The following ZMAT4 variants were observed in gnomAD, a reference collection of about 807,000 sequenced individuals.
ZMAT4 encodes zinc finger matrin-type 4.
In ZMAT4, 17 loss-of-function variants were observed where a neutral mutation model predicts 28.7. The observed-to-expected ratio is 0.59, with a 90% CI of 0.41 to 0.89. The LOEUF is 0.89. ZMAT4 is among the 40% of genes least tolerant of loss of function. The pLI, the probability that ZMAT4 is intolerant of heterozygous loss-of-function variation, is 0.00. For missense variants in ZMAT4, 240 were observed against 283.8 expected (o/e 0.85, Z 1.11); for synonymous variants, 117 against 109.2 (o/e 1.07, Z -0.44).
intron 2 of ZMAT4, among the ~76,000 whole-genome samples, chr8:40,789,498 A>G (rs776582382): frequency 2.0e-5 from 3 of 152,200 alleles, no homozygotes; most frequent in Non-Finnish European, 2.9e-5. Context: ...ATTAGATAAC[A>G]CAACAGGGTG....
At chr8:40,588,412 C>T (rs994229078) in intron 5 of ZMAT4, among the ~76,000 whole-genome samples, 1 of 152,004 alleles carries the variant, frequency 6.6e-6, no homozygotes, top group African/African-American at 2.4e-5. Context: ...ATATAATTAA[C>T]TCCTACAACT....
chr8:40,674,453 C>T (rs1453968623), intron 5 of ZMAT4: 4 of 450,672 alleles, frequency 8.9e-6, no homozygotes, highest in Non-Finnish European at 1.6e-5. Context: ...CAATCTGGTT[C>T]ATGAATGTGC....
rs536605283 is a variant in ZMAT4 at position 40,668,696 on chromosome 8, T to A, written c.577+6008A>T. The stretch of plus-strand genomic sequence containing the variant: ...AGGTTTATGATCAGGACTGCCCTTA[T>A]CTATAAAGCTGCTACCCACCTTCCC... On this transcript the variant is annotated intron_variant, in intron 5 of 6. Transcript: ENST00000297737. Among the ~76,000 whole-genome samples the A allele has an allele frequency of 2.6e-5, 4 of 152,052 alleles. No individual in the cohort carries two copies. In the East Asian group the frequency reaches 7.8e-4, roughly 30 times the overall value.
intron 5 of ZMAT4, among the ~76,000 whole-genome samples, chr8:40,624,559 G>A (rs563202470): frequency 2.0e-5 from 3 of 152,342 alleles, no homozygotes; most frequent in African/African-American, 4.8e-5. Flanking sequence ...CCAGCCTATA[G>A]TGTCTGACAC....
chr8:40,736,514 T>A (rs1418362294), intron 3 of ZMAT4, among the ~76,000 whole-genome samples: 4 of 152,126 alleles, frequency 2.6e-5, no homozygotes. Flanking sequence ...AAGTACCATA[T>A]AAGCACTTGG....
At chr8:40,690,169 C>T (rs758814089) in intron 4 of ZMAT4, among the ~76,000 whole-genome samples, 15 of 152,156 alleles carry the variant, frequency 9.9e-5, no homozygotes, top group Non-Finnish European at 1.9e-4. Flanking sequence ...AAATCCTACT[C>T]GCTGTAGGAT....
intron 5 of ZMAT4, among the ~76,000 whole-genome samples, chr8:40,615,093 C>T (rs1805950153): frequency 6.6e-6 from 1 of 152,040 alleles, no homozygotes; most frequent in South Asian, 2.1e-4. Context: ...TTAGTGTTTC[C>T]TTCAGGAGCT....
At chr8:40,708,646 A>ATTTT (rs11446729) in intron 3 of ZMAT4, among the ~76,000 whole-genome samples, 4 of 98,392 alleles carry the variant, frequency 4.1e-5, no homozygotes, top group East Asian at 5.7e-4. Flanking sequence ...AGCAATCTTG[A>ATTTT]TTTTTTTTTT....
intron 1 of ZMAT4, among the ~76,000 whole-genome samples, chr8:40,897,029 G>A (rs142438770): frequency 2.0e-5 from 3 of 151,418 alleles, no homozygotes; most frequent in African/African-American, 7.3e-5. Context: ...GAGTTTTCGG[G>A]AGCTAATTAA....
At chr8:40,829,337 T>C (rs1394047097) in intron 1 of ZMAT4, among the ~76,000 whole-genome samples, 2 of 152,220 alleles carry the variant, frequency 1.3e-5, no homozygotes, top group African/African-American at 4.8e-5. Context: ...TCTCCAGTAC[T>C]CACAGAGGTT....
At chr8:40,562,235 C>G (rs1803770633) in intron 6 of ZMAT4, among the ~76,000 whole-genome samples, 1 of 152,128 alleles carries the variant, frequency 6.6e-6, no homozygotes, top group African/African-American at 2.4e-5. Flanking sequence ...TAAAACTTAA[C>G]TCCCTCACTC....
intron 4 of ZMAT4, among the ~76,000 whole-genome samples, chr8:40,679,336 C>G (rs1809048308): frequency 6.6e-6 from 1 of 152,042 alleles, no homozygotes; most frequent in Admixed American, 6.6e-5. Flanking sequence ...TTCTGCAGCT[C>G]CTGTGTGTGT....
intron 5 of ZMAT4, among the ~76,000 whole-genome samples, chr8:40,616,883 T>TAA (rs11288576): frequency 2.7e-5 from 3 of 110,214 alleles, no homozygotes; most frequent in African/African-American, 3.0e-5. Context: ...AATTAAAGTA[T>TAA]AAAAAAAAAA....
intron 5 of ZMAT4, among the ~76,000 whole-genome samples, chr8:40,608,555 G>T (rs889086056): frequency 1.3e-5 from 2 of 152,130 alleles, no homozygotes; most frequent in Non-Finnish European, 2.9e-5. Context: ...ACCTGCCACG[G>T]TTTTTGTGCT....
intron 1 of ZMAT4, among the ~76,000 whole-genome samples, chr8:40,863,354 A>G (rs533680199): frequency 3.5e-4 from 54 of 152,260 alleles, no homozygotes; most frequent in African/African-American, 1.2e-3. Flanking sequence ...CCAGAAATGG[A>G]GGAGAATTTG....
chr8:40,781,025 C>A (rs1287575920), intron 2 of ZMAT4, among the ~76,000 whole-genome samples: 1 of 152,096 alleles, frequency 6.6e-6, no homozygotes, highest in Non-Finnish European at 1.5e-5. Flanking sequence ...TGGAGGTTCA[C>A]AACAGGACAA....
At chr8:40,866,646 A>G (rs570765720) in intron 1 of ZMAT4, among the ~76,000 whole-genome samples, 1 of 152,312 alleles carries the variant, frequency 6.6e-6, no homozygotes, top group South Asian at 2.1e-4. Context: ...GTTGATGAAT[A>G]ATTAAGAGGA....
chr8:40,635,366 C>G (rs1806753392), intron 5 of ZMAT4, among the ~76,000 whole-genome samples: 1 of 152,148 alleles, frequency 6.6e-6, no homozygotes, highest in Non-Finnish European at 1.5e-5. Context: ...CTCTCCCTAA[C>G]AATCCCCTGT....
intron 5 of ZMAT4, among the ~76,000 whole-genome samples, chr8:40,631,120 T>C (rs1213218354): frequency 6.6e-6 from 1 of 152,122 alleles, no homozygotes; most frequent in East Asian, 1.9e-4. Context: ...TGTAATGGAA[T>C]ATGAGAGGTG....
Sources: allele counts gnomAD v4.1 joint callset (sites outside exome capture counted in the v4.1 genomes callset), GRCh38; gene constraint gnomAD v4.1.1; transcripts MANE v1.5; gene names NCBI Gene and HGNC (gene_info 2026-07-23, HGNC 2026-07-21).